SYT14: variants seen among roughly 807,000 people sequenced by gnomAD.
SYT14 encodes the protein synaptotagmin 14.
Under a neutral mutation model 74.2 loss-of-function variants are expected in SYT14, and 32 were observed. That is an observed-to-expected ratio of 0.43 (90% CI 0.33 to 0.58). The LOEUF (loss-of-function observed/expected upper bound fraction) is 0.58, where lower values mean the gene tolerates loss of function less well. Among genes scored for constraint, SYT14 ranks in the 20% least tolerant of loss-of-function variants. The pLI is 0.05. For synonymous variants in SYT14, 298 were observed against 337.7 expected (o/e 0.88, Z 1.29); for missense variants, 791 against 981.8 (o/e 0.81, Z 2.60).
intron 2 of SYT14, among the ~76,000 whole-genome samples, chr1:209,994,330 C>A (rs2079747631): frequency 6.6e-6 from 1 of 152,006 alleles, no homozygotes; most frequent in Non-Finnish European, 1.5e-5. Flanking sequence ...GAACTCACTA[C>A]AAAAATTTTA....
intron 1 of SYT14, 143 bp from the exon 2 acceptor site, chr1:209,952,566 T>C (rs981862934): frequency 9.1e-6 from 6 of 658,908 alleles, no homozygotes; most frequent in Non-Finnish European, 1.6e-5. Flanking sequence ...GGCTATAATA[T>C]TCATTTAGTT....
At chr1:210,043,933 C>T (rs184821782) in intron 5 of SYT14, among the ~76,000 whole-genome samples, 94 of 151,960 alleles carry the variant, frequency 6.2e-4, no homozygotes, top group African/African-American at 2.0e-3. Context: ...AGGATAATAC[C>T]GAGAATTTCT....
chr1:209,990,893 C>T (rs1303464954), intron 2 of SYT14, among the ~76,000 whole-genome samples: 1 of 152,032 alleles, frequency 6.6e-6, no homozygotes, highest in Non-Finnish European at 1.5e-5. Context: ...TCAAATTATA[C>T]TGCAAGGTGT....
intron 7 of SYT14, among the ~76,000 whole-genome samples, chr1:210,133,908 A>AC (rs1390696395): frequency 6.7e-6 from 1 of 150,260 alleles, no homozygotes; most frequent in Non-Finnish European, 1.5e-5. Context: ...AGAAACACCA[A>AC]CTCCATAGGA....
exon 10 of SYT14, chr1:210,162,406 T>C: frequency 2.5e-6 from 1 of 400,294 alleles, no homozygotes; most frequent in Non-Finnish European, 4.8e-6. Flanking sequence ...GCAAGGCACT[T>C]TCATTTGTTT....
exon 10 of SYT14, chr1:210,168,569 TTGTC>T (rs2083481676): frequency 1.3e-5 from 2 of 152,220 alleles, no homozygotes; most frequent in South Asian, 4.1e-4. Context: ...TTTTCAAACT[TTGTC>T]TATATATTCA....
chr1:210,140,515 C>G (rs766941258), intron 7 of SYT14, among the ~76,000 whole-genome samples: 3 of 151,938 alleles, frequency 2.0e-5, no homozygotes, highest in Non-Finnish European at 2.9e-5. Flanking sequence ...TTGAGAAATT[C>G]AGTTTATTGA....
chr1:210,013,779 A>G, exon 3 of SYT14: 2 of 1,611,888 alleles, frequency 1.2e-6, no homozygotes, highest in Non-Finnish European at 1.7e-6. Flanking sequence ...TACAAGGAAG[A>G]ATTCACAAGA....
intron 1 of SYT14, among the ~76,000 whole-genome samples, chr1:209,951,329 T>G (rs1414668240): frequency 6.6e-6 from 1 of 152,152 alleles, no homozygotes; most frequent in Non-Finnish European, 1.5e-5. Context: ...ACCATTCTAC[T>G]CTACATCTGT....
chr1:210,154,540 T>A (rs1016761064), intron 7 of SYT14, among the ~76,000 whole-genome samples: 2 of 152,222 alleles, frequency 1.3e-5, no homozygotes, highest in African/African-American at 4.8e-5. Flanking sequence ...TATTTTTTCA[T>A]GGTCTCTAGA....
chr1:210,139,280 T>TA (rs1160779564), intron 7 of SYT14, among the ~76,000 whole-genome samples: 5 of 146,434 alleles, frequency 3.4e-5, no homozygotes, highest in Non-Finnish European at 6.0e-5. Flanking sequence ...TTTTTTTTTT[T>TA]TTTTTTTGAT....
intron 2 of SYT14, among the ~76,000 whole-genome samples, chr1:209,960,308 T>G (rs1486292914): frequency 6.6e-6 from 1 of 152,174 alleles, no homozygotes; most frequent in Non-Finnish European, 1.5e-5. Context: ...TAGAAAAAAG[T>G]CTCTGTAGTG....
At chr1:210,108,523 A>G (rs1467222220) in intron 7 of SYT14, among the ~76,000 whole-genome samples, 1 of 152,154 alleles carries the variant, frequency 6.6e-6, no homozygotes, top group Admixed American at 6.5e-5. Flanking sequence ...CTATAACAAT[A>G]GGAAGAAAGA....
intron 1 of SYT14, among the ~76,000 whole-genome samples, chr1:209,948,726 CT>C (rs1233820094): frequency 6.6e-6 from 1 of 152,020 alleles, no homozygotes; most frequent in Non-Finnish European, 1.5e-5. Context: ...CCTTGAGCAA[CT>C]TTAACTTTTG....
chr1:210,117,398 T>C (rs1186852308), intron 7 of SYT14, among the ~76,000 whole-genome samples: 1 of 152,160 alleles, frequency 6.6e-6, no homozygotes, highest in Non-Finnish European at 1.5e-5. Flanking sequence ...ACAACTACCA[T>C]TGTCAGCAAA....
intron 7 of SYT14, among the ~76,000 whole-genome samples, chr1:210,145,790 C>T (rs2083020782): frequency 1.3e-5 from 2 of 152,144 alleles, no homozygotes; most frequent in South Asian, 4.1e-4. Context: ...ATGCCCTTCC[C>T]TATGCCTGCT....
intron 2 of SYT14, among the ~76,000 whole-genome samples, chr1:209,988,979 A>G (rs989479959): frequency 4.6e-5 from 7 of 152,156 alleles, no homozygotes; most frequent in African/African-American, 1.4e-4. Flanking sequence ...TATCTCCTCA[A>G]CACTCACCTG....
chr1:209,971,144 GC>G (rs1309156290), intron 2 of SYT14, among the ~76,000 whole-genome samples: 1 of 151,906 alleles, frequency 6.6e-6, no homozygotes, highest in African/African-American at 2.4e-5. Flanking sequence ...TTTTTATGTG[GC>G]TATTATGAAA....
chr1:209,938,256 G>C (rs2078665393), exon 1 of SYT14: 3 of 1,559,682 alleles, frequency 1.9e-6, no homozygotes, highest in Non-Finnish European at 2.6e-6. Flanking sequence ...GGTCCATGGC[G>C]AGCGCATCAT....
Sources: gnomAD v4.1 joint callset for allele counts (sites outside exome capture counted in the v4.1 genomes callset) on GRCh38, gnomAD v4.1.1 for gene constraint, MANE v1.5 for transcripts, NCBI Gene and HGNC (gene_info 2026-07-23, HGNC 2026-07-21) for gene names.